Variants in RYR2 observed in about 807,000 individuals in gnomAD.
The protein encoded by RYR2 is cardiac muscle ryanodine receptor-calcium release channel.
In RYR2, 227 loss-of-function variants were observed where a neutral mutation model predicts 601.1. The observed-to-expected ratio is 0.38, with a 90% CI of 0.34 to 0.42. The LOEUF (loss-of-function observed/expected upper bound fraction) is 0.42, where lower values mean the gene tolerates loss of function less well. Ranked by LOEUF, RYR2 falls within the 10% of genes least tolerant of loss-of-function variation. RYR2 has a pLI of 1.00. For synonymous variants in RYR2, 2,223 were observed against 2,175.1 expected (o/e 1.02, Z -0.61); for missense variants, 4,646 against 6,156.5 (o/e 0.75, Z 8.21).
chr1:237,591,578 A>C (rs533426850), intron 31 of RYR2, among the ~76,000 whole-genome samples, 161 bp from the exon 32 acceptor site: 1 of 152,144 alleles, frequency 6.6e-6, no homozygotes, highest in Non-Finnish European at 1.5e-5. Flanking sequence ...TCCATCCCCC[A>C]AACTGTGAGA....
intron 2 of RYR2, among the ~76,000 whole-genome samples, chr1:237,300,671 T>C (rs1693259572): frequency 6.6e-6 from 1 of 152,180 alleles, no homozygotes; most frequent in Non-Finnish European, 1.5e-5. Context: ...GCTCCTCATC[T>C]TCCTGATGAC....
rs183951018 is a variant in RYR2, at chr1:237,823,136, A to G, written c.14590+3944A>G. Among the ~76,000 whole-genome samples, 35 of 152,282 alleles carry G rather than the reference A, an allele frequency of 2.3e-4. 1 individual carries two copies. The East Asian group carries it at 6.8e-3, about 29-fold the overall frequency. ...TTAGACAGATCAATGAGAGAAAATTAACAAGGATATCCAGGACTTGAACTC... is the reference window on the plus strand; with the variant it reads ...TTAGACAGATCAATGAGAGAAAATTGACAAGGATATCCAGGACTTGAACTC... On this transcript the variant is annotated intron_variant, in intron 101 of 104. Coordinates refer to ENST00000366574, the MANE Select transcript of RYR2 (RefSeq NM_001035.3).
At chr1:237,779,152 A>G (rs1694895839) in intron 88 of RYR2, among the ~76,000 whole-genome samples, 1 of 152,194 alleles carries the variant, frequency 6.6e-6, no homozygotes, top group Non-Finnish European at 1.5e-5. Context: ...ATCTGTTACA[A>G]GGGAGACAAT....
chr1:237,068,811 C>T (rs1177167488), intron 1 of RYR2, among the ~76,000 whole-genome samples: 1 of 152,108 alleles, frequency 6.6e-6, no homozygotes, highest in Non-Finnish European at 1.5e-5. Flanking sequence ...AAATGAACTT[C>T]CCTTTACTGT....
chr1:237,477,507 A>G (rs569846098), intron 17 of RYR2, among the ~76,000 whole-genome samples: 1 of 152,326 alleles, frequency 6.6e-6, no homozygotes, highest in African/African-American at 2.4e-5. Flanking sequence ...CAGGGACAGA[A>G]CTGAAGTTTT....
intron 8 of RYR2, among the ~76,000 whole-genome samples, chr1:237,383,036 A>C (rs1036546828): frequency 5.3e-5 from 8 of 152,042 alleles, no homozygotes; most frequent in African/African-American, 1.9e-4. Context: ...GAAGTACCTG[A>C]AAGTTTAATA....
At chr1:237,559,159 C>T (rs1357282663) in intron 27 of RYR2, among the ~76,000 whole-genome samples, 3 of 151,974 alleles carry the variant, frequency 2.0e-5, no homozygotes, top group African/African-American at 7.3e-5. Flanking sequence ...AAAAATTATG[C>T]AAATCAAATT....
intron 1 of RYR2, among the ~76,000 whole-genome samples, chr1:237,216,056 G>A (rs1052325290): frequency 6.6e-6 from 1 of 152,042 alleles, no homozygotes; most frequent in South Asian, 2.1e-4. Context: ...ATAAATTAAC[G>A]ATATTTAACT....
intron 100 of RYR2, among the ~76,000 whole-genome samples, chr1:237,814,758 G>A (rs1661610204): frequency 6.6e-6 from 1 of 152,072 alleles, no homozygotes; most frequent in Admixed American, 6.6e-5. Context: ...CTCAGATGGA[G>A]AGGGACCCCC....
chr1:237,352,426 C>T (rs1698934737), intron 3 of RYR2, among the ~76,000 whole-genome samples: 1 of 151,866 alleles, frequency 6.6e-6, no homozygotes, highest in South Asian at 2.1e-4. Context: ...AATTGAGAAA[C>T]ATTTTGAGAA....
intron 2 of RYR2, among the ~76,000 whole-genome samples, chr1:237,284,043 T>TA (rs1691176147): frequency 6.6e-6 from 1 of 152,330 alleles, no homozygotes; most frequent in African/African-American, 2.4e-5. Flanking sequence ...AGTGAGGACA[T>TA]ACGATGTTTG....
intron 101 of RYR2, among the ~76,000 whole-genome samples, chr1:237,820,252 G>T (rs980183569): frequency 1.3e-4 from 19 of 151,282 alleles, no homozygotes; most frequent in African/African-American, 4.4e-4. Flanking sequence ...AATAGGAACA[G>T]CTCCAGTCTG....
At chr1:237,295,730 G>A (rs940633397) in intron 2 of RYR2, among the ~76,000 whole-genome samples, 1 of 152,108 alleles carries the variant, frequency 6.6e-6, no homozygotes, top group East Asian at 1.9e-4. Flanking sequence ...ATATGTGATA[G>A]CTTTCTATAA....
At chr1:237,257,185 G>T (rs1688076892) in intron 1 of RYR2, among the ~76,000 whole-genome samples, 1 of 152,136 alleles carries the variant, frequency 6.6e-6, no homozygotes, top group South Asian at 2.1e-4. Flanking sequence ...TAGGAGCATA[G>T]ATTTTGGAAT....
chr1:237,651,177 G>A (rs1309491348), intron 50 of RYR2, among the ~76,000 whole-genome samples: 2 of 152,170 alleles, frequency 1.3e-5, no homozygotes, highest in African/African-American at 4.8e-5. Context: ...AACATCTTCT[G>A]TATCAAAGAA....
intron 16 of RYR2, among the ~76,000 whole-genome samples, chr1:237,468,522 C>T (rs1660329145): frequency 6.6e-6 from 1 of 152,114 alleles, no homozygotes. Context: ...ATCTCTAAAT[C>T]CACGGAAATG....
At chr1:237,805,580 CA>C (rs772404939) in intron 98 of RYR2, among the ~76,000 whole-genome samples, 485 of 37,606 alleles carry the variant, frequency 0.013, 2 homozygotes, top group African/African-American at 0.035. Context: ...GACTCTGTCT[CA>C]AAAAAAAAAA....
chr1:237,649,611 A>G lies in RYR2; in HGVS notation c.7513-266A>G, dbSNP rs74615107. ...TTGATCCTACCATTGATATTTAATGATAGAGTCTGAACCTGTTAAGCTTTT... is the reference window on the plus strand; with the variant it reads ...TTGATCCTACCATTGATATTTAATGGTAGAGTCTGAACCTGTTAAGCTTTT... On this transcript the variant is annotated intron_variant, in intron 49 of 104. Transcript: ENST00000366574. Among the ~76,000 whole-genome samples, 612 of 152,322 alleles carry G rather than the reference A, an allele frequency of 4.0e-3. 1 individual carries two copies. Among genetic ancestry groups the G allele is most frequent in the East Asian group, 0.021 (108 of 5,186 alleles).
intron 1 of RYR2, 130 bp from the exon 2 acceptor site, chr1:237,270,367 T>C (rs1689556603): frequency 1.5e-6 from 2 of 1,329,832 alleles, no homozygotes; most frequent in African/African-American, 1.5e-5. Context: ...GGTTGTTTTT[T>C]TGACAGTAGT....
Sources: allele counts gnomAD v4.1 joint callset (sites outside exome capture counted in the v4.1 genomes callset), GRCh38; gene constraint gnomAD v4.1.1; transcripts MANE v1.5; gene names NCBI Gene and HGNC (gene_info 2026-07-23, HGNC 2026-07-21).